The following PRSS8 variants were observed in gnomAD, a reference collection of about 807,000 sequenced individuals.
PRSS8 encodes the protein prostasin.
Under a neutral mutation model 26.7 loss-of-function variants are expected in PRSS8, and 11 were observed. The observed-to-expected ratio is 0.41, with a 90% confidence interval of 0.26 to 0.68. The LOEUF is 0.68. PRSS8 is among the 30% of genes least tolerant of loss of function. The pLI, the probability that PRSS8 is intolerant of heterozygous loss-of-function variation, is 0.30. For missense variants in PRSS8, 362 were observed against 443.5 expected, an observed-to-expected ratio of 0.82 and a Z score of 1.65; for synonymous variants, 183 against 187.0, an observed-to-expected ratio of 0.98 and a Z score of 0.17.
In PRSS8 at chr16:31,131,969, T is replaced by C. The variant is rs904095559; in HGVS notation, c.*40A>G. The C allele has an allele frequency of 3.3e-6, 5 of 1,495,788 alleles. No homozygotes were observed. Among genetic ancestry groups the C allele is most frequent in the Non-Finnish European group, 4.5e-6 (5 of 1,117,586 alleles). The allele number at this position is 1,495,788 out of a possible 1,614,324, so 92.7% of individuals were successfully genotyped here. On this transcript the variant is annotated 3_prime_UTR_variant, in exon 6 of 6. Transcript: ENST00000317508. ...CCATCAGGGAAGGACCAGGCTCCTG[T>C]CCTTGAGTGTGATGCATCCATCCTG...
At position 31,135,285 on chromosome 16, in the gene PRSS8, G is replaced by C. The variant is rs1373316363; in HGVS notation, c.86-114C>G. 7.5e-6 allele frequency: 12 copies of C among 1,591,554 alleles called. No homozygotes were observed. The South Asian group carries it at 1.0e-4, about 13-fold the overall frequency. Reference sequence around the variant, plus strand: ...CCCTTCCCTGACAGAGCCAAGGTGGGAAAGAGAGGCCAAGAGCTAGGGAGG... The same window carrying C: ...CCCTTCCCTGACAGAGCCAAGGTGGCAAAGAGAGGCCAAGAGCTAGGGAGG... On this transcript the variant is annotated intron_variant, in intron 1 of 5. Transcript: ENST00000317508.
At position 31,135,711 on chromosome 16, in the gene PRSS8, A is replaced by G. The variant is rs1327533617; in HGVS notation, c.-213T>C. 5.6e-6 allele frequency: 3 copies of G among 531,982 alleles called. No homozygotes were observed. 33.0% of individuals were successfully genotyped at this position (531,982 alleles called of 1,614,324 possible). A position where few individuals can be genotyped will look rare whatever the true frequency, so the allele number is the denominator to read the frequency against. On this transcript the variant is annotated 5_prime_UTR_variant, in exon 1 of 6. Coordinates refer to ENST00000317508, the MANE Select transcript of PRSS8 (RefSeq NM_002773.5). ...GTATCCGAAGCGAGCAGTGTGGACG[A>G]GTCACCAGCACCGTCTGGCCACGCA...
At position 31,132,705 on chromosome 16, in the gene PRSS8, C is replaced by G; in HGVS notation, c.515G>C (p.Gly172Ala). 1 of 1,613,974 alleles carries G rather than the reference C, an allele frequency of 6.2e-7. No homozygotes were observed. Among genetic ancestry groups the G allele is most frequent in the Non-Finnish European group, 8.5e-7 (1 of 1,179,866 alleles). The change falls in exon 4 of 6, where the codon GGC (glycine) becomes GCC (alanine). Residue 172 changes from glycine (G) to alanine (A), a missense_variant. Transcript: ENST00000317508. The surrounding 1 kb of genome is among the most constrained non-coding windows in gnomAD (Gnocchi z 5.2). ...ACCTGAGGGGGCCACATGACCCCAG[C>G]CAGTGACAGTGCAGTGGAGGCCGTT... Reference protein sequence around the residue: ...FPNGLHCTVTGWGHVAPSVSL... With the variant: ...FPNGLHCTVTAWGHVAPSVSL...
Position 31,133,531 on chromosome 16 carries a change from C to T in PRSS8, c.104-143G>A. ...CTCCCAGGCATGGGCAGTTGTGCCC[C>T]TTCTGTCCACTACCCATTACCTAAT... On this transcript the variant is annotated intron_variant, in intron 2 of 5. Transcript: ENST00000317508. The surrounding 1 kb of genome is among the most constrained non-coding windows in gnomAD (Gnocchi z 4.7). The T allele has an allele frequency of 1.0e-6, 1 of 959,760 alleles. No homozygotes were observed. Among genetic ancestry groups the T allele is most frequent in the Non-Finnish European group, 1.5e-6 (1 of 656,018 alleles). 59.5% of individuals were successfully genotyped at this position (959,760 alleles called of 1,614,324 possible). A position where few individuals can be genotyped will look rare whatever the true frequency, so the allele number is the denominator to read the frequency against.
At chr16:31,135,226 C>T (rs771917369) in intron 1 of PRSS8, 55 bp from the exon 2 acceptor site, 5 of 1,610,620 alleles carry the variant, frequency 3.1e-6, no homozygotes, top group Admixed American at 1.7e-5. Flanking sequence ...GTTCCCTGAC[C>T]CCTTAGTACC....
chr16:31,134,728 G>C, intron 2 of PRSS8: 1 of 200,306 alleles, frequency 5.0e-6, no homozygotes, highest in South Asian at 8.8e-5. Flanking sequence ...GTGATGGCAT[G>C]CACCTGTAGT....
intron 2 of PRSS8, 88 bp downstream of exon 2, chr16:31,135,066 G>C (rs2057598232): frequency 2.7e-6 from 4 of 1,503,280 alleles, no homozygotes; most frequent in Admixed American, 1.9e-5. Flanking sequence ...AGGCAGCCCA[G>C]CTGAAGGCCA....
chr16:31,133,211 T>C lies in PRSS8; in HGVS notation c.266+15A>G. The C allele has an allele frequency of 6.2e-7, 1 of 1,613,720 alleles. No individual in the cohort carries two copies. Among genetic ancestry groups the C allele is most frequent in the Non-Finnish European group, 8.5e-7 (1 of 1,179,860 alleles). Reference sequence around the variant, plus strand: ...TTTGACCTCCAGCCCACTTTTGACTTTCACCATTTGGTACCTGGGGAAGCA... The same window carrying C: ...TTTGACCTCCAGCCCACTTTTGACTCTCACCATTTGGTACCTGGGGAAGCA... On this transcript the variant is annotated intron_variant, in intron 3 of 5. Coordinates refer to ENST00000317508, the MANE Select transcript of PRSS8 (RefSeq NM_002773.5). The surrounding 1 kb of genome is among the most constrained non-coding windows in gnomAD (Gnocchi z 4.7).
Position 31,135,670 on chromosome 16 carries a change from A to G in PRSS8, c.-172T>C. 1 of 618,244 alleles carries G rather than the reference A, an allele frequency of 1.6e-6. No homozygotes were observed. The highest frequency in any genetic ancestry group is 2.8e-6 in the Non-Finnish European group (1 of 353,162). 38.3% of individuals were successfully genotyped at this position (618,244 alleles called of 1,614,324 possible). On this transcript the variant is annotated 5_prime_UTR_variant, in exon 1 of 6. Coordinates refer to ENST00000317508, the MANE Select transcript of PRSS8 (RefSeq NM_002773.5). Reference sequence around the variant, plus strand: ...GCCTCTAAGGCAGGGAGCGGCCGCAACGGGAGACGCCTGGAGTATCCGAAG... The same window carrying G: ...GCCTCTAAGGCAGGGAGCGGCCGCAGCGGGAGACGCCTGGAGTATCCGAAG...
Position 31,132,296 on chromosome 16 carries a change from G to A in PRSS8, c.745C>T (p.Leu249Phe). Residue 249 changes from leucine to phenylalanine, a missense_variant, in exon 6 of 6, where the codon CTC becomes TTC. By Grantham distance (22) the Leu-to-Phe change is conservative (BLOSUM62 0). Coordinates refer to ENST00000317508, the MANE Select transcript of PRSS8 (RefSeq NM_002773.5). The surrounding 1 kb of genome is among the most constrained non-coding windows in gnomAD (Gnocchi z 5.2). The part of the protein sequence containing the change: ...GGPLSCPVEG[L>F]WYLTGIVSWG... Reference sequence around the variant, plus strand: ...CTCACAATGCCCGTCAGGTACCAGAGACCCTCCACAGGGCAGGAGAGTGGG... The same window carrying A: ...CTCACAATGCCCGTCAGGTACCAGAAACCCTCCACAGGGCAGGAGAGTGGG... 3 of 1,613,862 alleles carry A rather than the reference G, an allele frequency of 1.9e-6. No individual in the cohort carries two copies. The highest frequency in any genetic ancestry group is 1.7e-6 in the Non-Finnish European group (2 of 1,179,850).
chr16:31,132,821 G>C lies in PRSS8; in HGVS notation c.399C>G (p.Gly133=). 1 of 1,613,924 alleles carries C rather than the reference G, an allele frequency of 6.2e-7. No individual in the cohort carries two copies. Among genetic ancestry groups the C allele is most frequent in the Non-Finnish European group, 8.5e-7 (1 of 1,179,866 alleles). ...TGCTGAGTTGGAGGAGTGCAATGTC[G>C]CCCTGGGAGCCCTCCTGGAGGTAGC... ...HPSYLQEGSQ[G]DIALLQLSRP... The change falls in exon 4 of 6, where the codon GGC becomes GGG. Residue 133 remains glycine, a synonymous_variant. Coordinates refer to ENST00000317508, the MANE Select transcript of PRSS8 (RefSeq NM_002773.5). The surrounding 1 kb of genome is among the most constrained non-coding windows in gnomAD (Gnocchi z 5.2).
chr16:31,132,849 G>GGGT lies in PRSS8; in HGVS notation c.368_370dup (p.His123dup), dbSNP rs1345749610. On this transcript the variant is annotated inframe_insertion, in exon 4 of 6. Transcript: ENST00000317508. The surrounding 1 kb of genome is among the most constrained non-coding windows in gnomAD (Gnocchi z 5.2). ...CTGGGAGCCCTCCTGGAGGTAGCTG[G>GGGT]GGTGGGGGATGATGTCCTTCAGGGT... 6.2e-7 allele frequency: 1 copy of GGGT among 1,613,896 alleles called. No homozygotes were observed. The highest frequency in any genetic ancestry group is 2.2e-5 in the East Asian group (1 of 44,876).
In PRSS8 at chr16:31,133,588, G is replaced by A. The variant is rs1350467683; in HGVS notation, c.104-200C>T. 2.6e-5 allele frequency among the ~76,000 whole-genome samples: 4 copies of A among 152,132 alleles called. No individual in the cohort carries two copies. The highest frequency in any genetic ancestry group is 9.7e-5 in the African/African-American group (4 of 41,422). ...CTCATGGCAGCTTCTCTCCTTGCAA[G>A]CCTTCCATCCATCCCGCCCCTTACA... On this transcript the variant is annotated intron_variant, in intron 2 of 5. Transcript: ENST00000317508. This position sits in a 1 kb window ranked among gnomAD's most constrained non-coding sequence, Gnocchi z 4.7.
At position 31,132,447 on chromosome 16, in the gene PRSS8, C is replaced by T. The variant is rs376088185; in HGVS notation, c.687G>A (p.Gly229=). The T allele has an allele frequency of 1.2e-4, 186 of 1,613,832 alleles. No homozygotes were observed. Among genetic ancestry groups the T allele is most frequent in the Middle Eastern group, 1.6e-4 (1 of 6,084 alleles). Residue 229 remains glycine (G), a synonymous_variant, in exon 5 of 6, where the codon GGG becomes GGA. Coordinates refer to ENST00000317508, the MANE Select transcript of PRSS8 (RefSeq NM_002773.5). The surrounding 1 kb of genome is among the most constrained non-coding windows in gnomAD (Gnocchi z 5.2). ...EDMVCAGYVE[G]GKDACQGDSG... is the part of the protein sequence containing the mutation. ...TGCTTACCTGGCAGGCGTCCTTGCC[C>T]CCCTCCACATAGCCAGCACACACCA...
chr16:31,131,815 C>T lies in PRSS8; in HGVS notation c.*194G>A. On this transcript the variant is annotated 3_prime_UTR_variant, in exon 6 of 6. Transcript: ENST00000317508. ...CTGGCCATTGCTACAGGCAGTAAAACTCCTGACTCTCAGTGATGGTCCCAA... is the reference window on the plus strand; with the variant it reads ...CTGGCCATTGCTACAGGCAGTAAAATTCCTGACTCTCAGTGATGGTCCCAA... The T allele has an allele frequency of 1.6e-6, 1 of 623,188 alleles. No homozygotes were observed. Among genetic ancestry groups the T allele is most frequent in the Admixed American group, 3.0e-5 (1 of 33,356 alleles). 38.6% of individuals were successfully genotyped at this position (623,188 alleles called of 1,614,324 possible). A position where few individuals can be genotyped will look rare whatever the true frequency, so the allele number is the denominator to read the frequency against.
rs2057600880 is a variant in PRSS8 at position 31,135,397 on chromosome 16, C to T, written c.85+17G>A. The T allele has an allele frequency of 1.9e-6, 3 of 1,586,488 alleles. No homozygotes were observed. Among genetic ancestry groups the T allele is most frequent in the Non-Finnish European group, 2.6e-6 (3 of 1,166,938 alleles). The stretch of plus-strand genomic sequence containing the variant: ...TCCAGTGCATTGTCCCCACCCTGCC[C>T]CCACGTCCTCACTTACCTGTCCCCG... On this transcript the variant is annotated intron_variant, in intron 1 of 5. Coordinates refer to ENST00000317508, the MANE Select transcript of PRSS8 (RefSeq NM_002773.5).
rs983076561 is a variant in PRSS8, at chr16:31,131,590, C to G, written c.*419G>C. 2.1e-6 allele frequency: 1 copy of G among 468,310 alleles called. No individual in the cohort carries two copies. The highest frequency in any genetic ancestry group is 3.8e-6 in the Non-Finnish European group (1 of 262,278). The allele number at this position is 468,310 out of a possible 1,614,324, so 29.0% of individuals were successfully genotyped here. A position where few individuals can be genotyped will look rare whatever the true frequency, so the allele number is the denominator to read the frequency against. On this transcript the variant is annotated 3_prime_UTR_variant, in exon 6 of 6. Transcript: ENST00000317508. ...GCAAGATTGGGGCCTTTCCTGTCCT[C>G]GAAGCTGCACAAAGGTGGCCCCAGC...
In PRSS8 at chr16:31,132,892, C is replaced by T. The variant is rs754311704; in HGVS notation, c.328G>A (p.Glu110Lys). The T allele has an allele frequency of 1.9e-5, 30 of 1,613,552 alleles. No homozygotes were observed. Among genetic ancestry groups the T allele is most frequent in the Middle Eastern group, 1.6e-4 (1 of 6,084 alleles). Residue 110 changes from glutamate (E) to lysine (K), a missense_variant, in exon 4 of 6, where the codon GAG (glutamate) becomes AAG (lysine). Coordinates refer to ENST00000317508, the MANE Select transcript of PRSS8 (RefSeq NM_002773.5). This position sits in a 1 kb window ranked among gnomAD's most constrained non-coding sequence, Gnocchi z 5.2. Reference sequence around the variant, plus strand: ...TTCAGGGTGCTGACCTTGGCGTCCTCGGAGTAGGAGTCTAGCTGGTGGGCC... The same window carrying T: ...TTCAGGGTGCTGACCTTGGCGTCCTTGGAGTAGGAGTCTAGCTGGTGGGCC... ...LGAHQLDSYS[E>K]DAKVSTLKDI...
At position 31,133,829 on chromosome 16, in the gene PRSS8, C is replaced by T. The variant is rs544418447; in HGVS notation, c.104-441G>A. Among the ~76,000 whole-genome samples, 1 of 152,322 alleles carries T rather than the reference C, an allele frequency of 6.6e-6. No individual in the cohort carries two copies. Among genetic ancestry groups the T allele is most frequent in the South Asian group, 2.1e-4 (1 of 4,830 alleles). ...TCCAGGTCACTCTACCTGGTATGCC[C>T]TTCCCCATCCTTACTGTCTGGCAAA... On this transcript the variant is annotated intron_variant, in intron 2 of 5. Transcript: ENST00000317508. The surrounding 1 kb of genome is among the most constrained non-coding windows in gnomAD (Gnocchi z 4.7).
Sources: allele counts gnomAD v4.1 joint callset (sites outside exome capture counted in the v4.1 genomes callset), GRCh38; gene constraint gnomAD v4.1.1; non-coding constraint Gnocchi (gnomAD v3.1); transcripts MANE v1.5; gene names NCBI Gene and HGNC (gene_info 2026-07-23, HGNC 2026-07-21).